DOCK1: variants seen among roughly 807,000 people sequenced by gnomAD.
DOCK1 encodes dedicator of cytokinesis protein 1.
In DOCK1, 138 loss-of-function variants were observed where a neutral mutation model predicts 262.7. The observed-to-expected ratio is 0.53, with a 90% confidence interval of 0.46 to 0.61. The LOEUF (loss-of-function observed/expected upper bound fraction) is 0.61, where lower values mean the gene tolerates loss of function less well. DOCK1 is among the 20% of genes least tolerant of loss of function. The pLI, the probability that DOCK1 is intolerant of heterozygous loss-of-function variation, is 0.00. For synonymous variants in DOCK1, 866 were observed against 867.4 expected (o/e 1.00, Z 0.03); for missense variants, 1,908 against 2,370.7 (o/e 0.80, Z 4.05).
At chr10:127,274,930 C>G (rs1488380773) in intron 29 of DOCK1, among the ~76,000 whole-genome samples, 2 of 152,112 alleles carry the variant, frequency 1.3e-5, no homozygotes, top group Non-Finnish European at 2.9e-5. Context: ...ACCCTCCTCC[C>G]AAGAATCAAT....
Position 127,433,390 on chromosome 10 carries a change from C to G in DOCK1, c.5022C>G (p.Leu1674=). 6.2e-7 allele frequency: 1 copy of G among 1,614,010 alleles called. No individual in the cohort carries two copies. Among genetic ancestry groups the G allele is most frequent in the South Asian group, 1.1e-5 (1 of 91,086 alleles). ...TGTCTGTGGCCTCTGTCTCTTCCCT[C>G]TCATCGGACAGCACCCCTTCCAGAC... ...RPLSVASVSS[L]SSDSTPSRPG... is the part of the protein sequence containing the mutation. Residue 1674 remains leucine, a synonymous_variant, in exon 48 of 52, where the codon CTC becomes CTG. Coordinates refer to ENST00000623213, the MANE Select transcript of DOCK1 (RefSeq NM_001290223.2).
At chr10:126,981,010 GGATCTCTGCTCACTGCAACC>G (rs1264634598) in intron 3 of DOCK1, among the ~76,000 whole-genome samples, 1 of 151,040 alleles carries the variant, frequency 6.6e-6, no homozygotes, top group African/African-American at 2.4e-5. Flanking sequence ...CGCAGTGGCG[GGATCTCTGCTCACTGCAACC>G]TCCACTTCCC....
chr10:127,251,354 T>C (rs188267445), intron 28 of DOCK1, among the ~76,000 whole-genome samples: 88 of 152,262 alleles, frequency 5.8e-4, no homozygotes, highest in African/African-American at 2.1e-3. Context: ...AATATGAAAG[T>C]GGCCAAAACA....
At chr10:126,986,947 C>T (rs541470379) in intron 4 of DOCK1, among the ~76,000 whole-genome samples, 15 of 151,858 alleles carry the variant, frequency 9.9e-5, no homozygotes, top group African/African-American at 1.7e-4. Context: ...ACTTTTGGGG[C>T]GGAGGAAAAA....
chr10:127,027,949 G>A (rs887130905), intron 16 of DOCK1, among the ~76,000 whole-genome samples: 2 of 151,908 alleles, frequency 1.3e-5, no homozygotes, highest in African/African-American at 2.4e-5. Context: ...CTGGGGTGCC[G>A]GCCCATGACT....
In DOCK1 at chr10:127,447,544, G is replaced by C. The variant is rs1166717804; in HGVS notation, c.5564G>C (p.Arg1855Thr). 15 of 1,613,590 alleles carry C rather than the reference G, an allele frequency of 9.3e-6. No individual in the cohort carries two copies. The highest frequency in any genetic ancestry group is 1.3e-5 in the Non-Finnish European group (15 of 1,179,686). ...PTPPPPPPHQ[R>T]HLPPPLPSKT... ...CCTCCACCTCCCCCTCCACACCAGA[G>C]GGTAAGTCGGCAATCTGAAACACAG... The change falls in exon 51 of 52, where the codon AGG becomes ACG. Residue 1855 changes from arginine (R) to threonine (T), a missense_variant and splice_region_variant. Arg to Thr is a moderately conservative substitution (Grantham distance 71, BLOSUM62 -1). Coordinates refer to ENST00000623213, the MANE Select transcript of DOCK1 (RefSeq NM_001290223.2).
At chr10:127,215,414 T>C (rs1486633190) in intron 27 of DOCK1, among the ~76,000 whole-genome samples, 1 of 152,202 alleles carries the variant, frequency 6.6e-6, no homozygotes, top group Non-Finnish European at 1.5e-5. Flanking sequence ...GGAGGGTCTC[T>C]GTTACTTGGC....
chr10:127,027,689 A>G (rs1276472396), intron 16 of DOCK1, among the ~76,000 whole-genome samples: 2 of 152,134 alleles, frequency 1.3e-5, no homozygotes, highest in South Asian at 2.1e-4. Flanking sequence ...GCTGCCTGGT[A>G]TGGATAGGGG....
Position 127,451,569 on chromosome 10 carries a change from C to T in DOCK1, c.*142C>T. The T allele has an allele frequency of 6.7e-7, 1 of 1,495,888 alleles. No individual in the cohort carries two copies. The highest frequency in any genetic ancestry group is 1.3e-5 in the South Asian group (1 of 78,910). The allele number at this position is 1,495,888 out of a possible 1,614,324, so 92.7% of individuals were successfully genotyped here. A position where few individuals can be genotyped will look rare whatever the true frequency, so the allele number is the denominator to read the frequency against. ...CGACTGCTTTTTCTTCAAAGGAGTT[C>T]AGTTCTCACCATGGAGTGAGTGGCC... On this transcript the variant is annotated 3_prime_UTR_variant, in exon 52 of 52. Transcript: ENST00000623213.
rs191547490 is a variant in DOCK1 at position 127,413,527 on chromosome 10, C to T, written c.4429-1625C>T. Among the ~76,000 whole-genome samples, 18 of 152,318 alleles carry T rather than the reference C, an allele frequency of 1.2e-4. No homozygotes were observed. The East Asian group carries it at 3.1e-3, about 26-fold the overall frequency. On this transcript the variant is annotated intron_variant, in intron 43 of 51. Coordinates refer to ENST00000623213, the MANE Select transcript of DOCK1 (RefSeq NM_001290223.2). ...GCTGCCCACCAGGCCGAGAGCAGTG[C>T]GAGGTGGCTCATCCCTGCAGACCTG...
At chr10:127,345,531 G>T (rs1364901017) in intron 31 of DOCK1, among the ~76,000 whole-genome samples, 2 of 152,178 alleles carry the variant, frequency 1.3e-5, no homozygotes, top group Non-Finnish European at 2.9e-5. Context: ...TTTCCTTCAG[G>T]CCTCCTCAGC....
rs374721818 is a variant in DOCK1 at position 127,359,093 on chromosome 10, C to G, written c.3284-2971C>G. Among the ~76,000 whole-genome samples the G allele has an allele frequency of 2.2e-4, 34 of 151,872 alleles. No homozygotes were observed. In the South Asian group the frequency reaches 2.7e-3, roughly 12 times the overall value. ...TCATTGGTTCCAAACCTGAGTTCAT[C>G]ATTAAATTTGAGCAAGATATGCTCC... is the stretch of plus-strand genomic sequence containing the variant. On this transcript the variant is annotated intron_variant, in intron 32 of 51. Transcript: ENST00000623213.
chr10:127,140,165 G>A (rs944403362), intron 27 of DOCK1, among the ~76,000 whole-genome samples: 1 of 152,122 alleles, frequency 6.6e-6, no homozygotes, highest in Admixed American at 6.6e-5. Flanking sequence ...GTACAATTTC[G>A]GCTACCTGTA....
At chr10:127,310,616 A>G (rs192300017) in intron 29 of DOCK1, among the ~76,000 whole-genome samples, 35 of 152,326 alleles carry the variant, frequency 2.3e-4, no homozygotes, top group African/African-American at 7.5e-4. Flanking sequence ...AGCGTTCTCT[A>G]AATTGCTTTG....
chr10:126,990,511 A>G lies in DOCK1; in HGVS notation c.381A>G (p.Glu127=). 1 of 1,613,658 alleles carries G rather than the reference A, an allele frequency of 6.2e-7. No homozygotes were observed. The highest frequency in any genetic ancestry group is 1.1e-5 in the South Asian group (1 of 90,928). ...SVRHMIYDLI[E]WRSQILSGTL... ...GGCACATGATCTATGACCTTATTGA[A>G]TGGCGATCACAAATTCTTTCTGGAA... Residue 127 remains glutamate (E), a synonymous_variant, in exon 6 of 52, where the codon GAA becomes GAG. Coordinates refer to ENST00000623213, the MANE Select transcript of DOCK1 (RefSeq NM_001290223.2).
intron 27 of DOCK1, chr10:127,137,930 C>T (rs766403526): frequency 4.3e-6 from 7 of 1,613,982 alleles, no homozygotes; most frequent in South Asian, 3.3e-5. Context: ...GAGAGTAAGG[C>T]GAAGGTATGA....
rs1055409217 is a variant in DOCK1 at position 127,446,962 on chromosome 10, C to T, written c.5414-432C>T. 5.9e-5 allele frequency among the ~76,000 whole-genome samples: 9 copies of T among 152,146 alleles called. No homozygotes were observed. Among genetic ancestry groups the T allele is most frequent in the Non-Finnish European group, 1.2e-4 (8 of 68,036 alleles). The stretch of plus-strand genomic sequence containing the variant: ...GTGTTAGACTTTGCTTAGTGAATCT[C>T]TCCAGGTGATAACTGCAGGGGTGAC... On this transcript the variant is annotated intron_variant, in intron 50 of 51. Coordinates refer to ENST00000623213, the MANE Select transcript of DOCK1 (RefSeq NM_001290223.2). This position sits in a 1 kb window ranked among gnomAD's most constrained non-coding sequence, Gnocchi z 4.4.
chr10:127,250,337 T>C (rs2059582003), intron 28 of DOCK1, among the ~76,000 whole-genome samples: 1 of 152,236 alleles, frequency 6.6e-6, no homozygotes, highest in Non-Finnish European at 1.5e-5. Context: ...TAAAAATTAC[T>C]GTAGCTTGCT....
At chr10:127,160,822 T>A (rs1334937948) in intron 27 of DOCK1, among the ~76,000 whole-genome samples, 1 of 152,244 alleles carries the variant, frequency 6.6e-6, no homozygotes, top group African/African-American at 2.4e-5. Flanking sequence ...GTTCTTTCAG[T>A]TTTCTTACTG....
Sources: allele counts gnomAD v4.1 joint callset (sites outside exome capture counted in the v4.1 genomes callset), GRCh38; gene constraint gnomAD v4.1.1; non-coding constraint Gnocchi (gnomAD v3.1); transcripts MANE v1.5; gene names NCBI Gene and HGNC (gene_info 2026-07-23, HGNC 2026-07-21).